Variants in WWOX observed in about 807,000 individuals in gnomAD.
The protein encoded by WWOX is WW domain-containing oxidoreductase.
WWOX carries 69 observed loss-of-function variants against 46.2 expected under a neutral mutation model. That is an observed-to-expected ratio of 1.49 (90% CI 1.23 to 1.82). The LOEUF is 1.82. Among genes scored for constraint, WWOX ranks in the 40% most tolerant of loss-of-function variants. WWOX has a pLI of 0.00. For synonymous variants in WWOX, 359 were observed against 202.6 expected (o/e 1.77, Z -6.56); for missense variants, 919 against 542.6 (o/e 1.69, Z -6.89).
chr16:78,623,202 A>G (rs1279432406), intron 8 of WWOX, among the ~76,000 whole-genome samples: 1 of 152,064 alleles, frequency 6.6e-6, no homozygotes, highest in East Asian at 1.9e-4. Flanking sequence ...GCTTTAAGAT[A>G]ATAAATGTAT....
chr16:78,741,312 G>T (rs1239613003), intron 8 of WWOX, among the ~76,000 whole-genome samples: 1 of 152,216 alleles, frequency 6.6e-6, no homozygotes, highest in Non-Finnish European at 1.5e-5. Context: ...TGTAATCCCA[G>T]CATTTTGGGA....
intron 8 of WWOX, among the ~76,000 whole-genome samples, chr16:78,492,947 A>C (rs1455578261): frequency 6.6e-6 from 1 of 152,196 alleles, no homozygotes; most frequent in Non-Finnish European, 1.5e-5. Context: ...AGTCATGCTT[A>C]GCATACTACT....
chr16:78,575,980 T>G (rs900892056), intron 8 of WWOX, among the ~76,000 whole-genome samples: 2 of 151,970 alleles, frequency 1.3e-5, no homozygotes, highest in Non-Finnish European at 2.9e-5. Flanking sequence ...CAAAATTATT[T>G]TTTTCATTTT....
At chr16:79,112,927 A>G (rs1283970087) in intron 8 of WWOX, among the ~76,000 whole-genome samples, 3 of 152,154 alleles carry the variant, frequency 2.0e-5, no homozygotes, top group Admixed American at 2.0e-4. Context: ...CACAGCTGAA[A>G]ACCACTTTTG....
At chr16:78,180,420 A>T (rs190258858) in intron 5 of WWOX, among the ~76,000 whole-genome samples, 6 of 152,172 alleles carry the variant, frequency 3.9e-5, no homozygotes, top group Admixed American at 3.9e-4. Context: ...ATCCAGCTGC[A>T]CCCAAGAGTA....
intron 8 of WWOX, among the ~76,000 whole-genome samples, chr16:78,999,633 T>C (rs2047056029): frequency 6.6e-6 from 1 of 152,222 alleles, no homozygotes; most frequent in South Asian, 2.1e-4. Context: ...TTTTTTCACT[T>C]ACATTTTATA....
At chr16:78,723,598 T>TTTTC (rs2048749089) in intron 8 of WWOX, among the ~76,000 whole-genome samples, 1 of 77,418 alleles carries the variant, frequency 1.3e-5, no homozygotes, top group African/African-American at 5.2e-5. Context: ...TTTTCTTTTC[T>TTTTC]TTTCTTTTCT....
chr16:79,073,107 T>C (rs1439731274), intron 8 of WWOX, among the ~76,000 whole-genome samples: 2 of 151,558 alleles, frequency 1.3e-5, no homozygotes, highest in Non-Finnish European at 2.9e-5. Flanking sequence ...TTATGGTACA[T>C]AAAAGAGCTT....
chr16:79,049,726 C>G (rs1016272417), intron 8 of WWOX, among the ~76,000 whole-genome samples: 3 of 151,210 alleles, frequency 2.0e-5, no homozygotes, highest in Admixed American at 6.6e-5. Flanking sequence ...ATCCCAGCCA[C>G]TTGGGAGGCT....
chr16:78,191,221 A>T (rs2035873224), intron 5 of WWOX, among the ~76,000 whole-genome samples: 1 of 152,098 alleles, frequency 6.6e-6, no homozygotes, highest in Non-Finnish European at 1.5e-5. Context: ...TTAAGAAAAG[A>T]TGCCCCCTCC....
chr16:78,978,203 C>G (rs2046611200), intron 8 of WWOX, among the ~76,000 whole-genome samples: 1 of 152,226 alleles, frequency 6.6e-6, no homozygotes. Flanking sequence ...TAGTATTCCA[C>G]TGTATATTGA....
chr16:78,879,710 G>A (rs2656618), intron 8 of WWOX, among the ~76,000 whole-genome samples: 16 of 151,836 alleles, frequency 1.1e-4, no homozygotes, highest in Non-Finnish European at 1.6e-4. Context: ...AAACCCTGTC[G>A]TTACTAAAAA....
rs573443459 is a variant in WWOX at position 79,089,605 on chromosome 16, C to G, written c.1057-122003C>G. 1.2e-4 allele frequency among the ~76,000 whole-genome samples: 18 copies of G among 152,282 alleles called. No individual in the cohort carries two copies. In the East Asian group the frequency reaches 3.1e-3, roughly 26 times the overall value. ...TCAAAGTCCCAACGTGCTGGGATTA[C>G]AGGCATGAGCCACCACGCCCTGCTA... On this transcript the variant is annotated intron_variant, in intron 8 of 8. Coordinates refer to ENST00000566780, the MANE Select transcript of WWOX (RefSeq NM_016373.4).
At chr16:79,159,427 C>T (rs1028889361) in intron 8 of WWOX, among the ~76,000 whole-genome samples, 1 of 152,186 alleles carries the variant, frequency 6.6e-6, no homozygotes, top group African/African-American at 2.4e-5. Flanking sequence ...CAGCCAGGGT[C>T]AGAAAGGGAA....
At chr16:79,076,461 A>G (rs914988296) in intron 8 of WWOX, among the ~76,000 whole-genome samples, 8 of 152,182 alleles carry the variant, frequency 5.3e-5, no homozygotes, top group East Asian at 1.9e-4. Context: ...TCTTTTTCAC[A>G]GCATTCAAAA....
chr16:78,950,738 G>C (rs1597195232), intron 8 of WWOX, among the ~76,000 whole-genome samples: 1 of 152,150 alleles, frequency 6.6e-6, no homozygotes. Context: ...TGATAAAATT[G>C]GGAGTTTTCA....
At chr16:78,677,979 T>A (rs189886325) in intron 8 of WWOX, among the ~76,000 whole-genome samples, 2 of 152,334 alleles carry the variant, frequency 1.3e-5, no homozygotes, top group East Asian at 3.9e-4. Context: ...AGCCACTGTT[T>A]AAAATAGCAA....
At chr16:78,830,008 AGT>A (rs1181014411) in intron 8 of WWOX, among the ~76,000 whole-genome samples, 1 of 152,158 alleles carries the variant, frequency 6.6e-6, no homozygotes, top group East Asian at 1.9e-4. Flanking sequence ...CTGTAAGCCC[AGT>A]GCTTTGGGAG....
At chr16:78,172,564 C>T (rs916323572) in intron 5 of WWOX, among the ~76,000 whole-genome samples, 8 of 150,896 alleles carry the variant, frequency 5.3e-5, no homozygotes, top group African/African-American at 1.7e-4. Context: ...ATTCATTGTT[C>T]TTTGATCATT....
Sources: gnomAD v4.1 joint callset for allele counts (sites outside exome capture counted in the v4.1 genomes callset) on GRCh38, gnomAD v4.1.1 for gene constraint, MANE v1.5 for transcripts, NCBI Gene and HGNC (gene_info 2026-07-23, HGNC 2026-07-21) for gene names.